GABRG3: variants seen among roughly 807,000 people sequenced by gnomAD.
GABRG3 encodes the protein gamma-aminobutyric acid receptor subunit gamma-3.
GABRG3 carries 25 observed loss-of-function variants against 48.8 expected under a neutral mutation model. The ratio of observed to expected loss-of-function variants is 0.51; its 90% CI spans 0.37 to 0.72. The LOEUF (loss-of-function observed/expected upper bound fraction) is 0.72, where lower values mean the gene tolerates loss of function less well. Ranked by LOEUF, GABRG3 falls within the 30% of genes least tolerant of loss-of-function variation. GABRG3 has a pLI of 0.00. For missense variants in GABRG3, 394 were observed against 577.9 expected, an observed-to-expected ratio of 0.68 and a Z score of 3.26; for synonymous variants, 227 against 217.6, an observed-to-expected ratio of 1.04 and a Z score of -0.38.
At chr15:27,506,121 T>C (rs1485959503) in intron 6 of GABRG3, among the ~76,000 whole-genome samples, 1 of 152,196 alleles carries the variant, frequency 6.6e-6, no homozygotes, top group Non-Finnish European at 1.5e-5. Context: ...TTGTGTCTTA[T>C]CTCTTTCTCT....
intron 5 of GABRG3, among the ~76,000 whole-genome samples, chr15:27,378,117 A>AAAAAACAT (rs1432965647): frequency 6.6e-6 from 1 of 152,230 alleles, no homozygotes; most frequent in Non-Finnish European, 1.5e-5. Flanking sequence ...GAAAGAAAAA[A>AAAAAACAT]AAAAACATTT....
chr15:27,072,005 C>T (rs533909779), intron 3 of GABRG3, among the ~76,000 whole-genome samples: 5 of 152,294 alleles, frequency 3.3e-5, no homozygotes, highest in East Asian at 1.9e-4. Context: ...TAAGCAAAGC[C>T]GCACAAAGAG....
intron 5 of GABRG3, among the ~76,000 whole-genome samples, chr15:27,430,314 G>T (rs548710465): frequency 6.6e-6 from 1 of 152,066 alleles, no homozygotes; most frequent in East Asian, 1.9e-4. Flanking sequence ...TTATCATATT[G>T]TATGGTAAAT....
chr15:26,994,751 T>G (rs1450267125), intron 2 of GABRG3, among the ~76,000 whole-genome samples: 1 of 152,026 alleles, frequency 6.6e-6, no homozygotes, highest in African/African-American at 2.4e-5. Context: ...TCCACACTTT[T>G]GTTAATTTAC....
At chr15:26,987,875 A>G (rs1351166501) in intron 2 of GABRG3, among the ~76,000 whole-genome samples, 1 of 152,224 alleles carries the variant, frequency 6.6e-6, no homozygotes, top group Non-Finnish European at 1.5e-5. Flanking sequence ...CTTACATTCA[A>G]TAAAAAACAG....
At chr15:27,208,830 G>A (rs1322526946) in intron 3 of GABRG3, among the ~76,000 whole-genome samples, 2 of 152,182 alleles carry the variant, frequency 1.3e-5, no homozygotes, top group Non-Finnish European at 2.9e-5. Context: ...GAGGTCAGTG[G>A]GATGTCATAT....
intron 3 of GABRG3, among the ~76,000 whole-genome samples, chr15:27,112,452 T>TG (rs1897569529): frequency 6.6e-6 from 1 of 151,468 alleles, no homozygotes; most frequent in Non-Finnish European, 1.5e-5. Context: ...ATTTTTTTTT[T>TG]TTTTTGGTAT....
At chr15:27,331,505 C>T (rs1238546632) in intron 5 of GABRG3, among the ~76,000 whole-genome samples, 1 of 152,184 alleles carries the variant, frequency 6.6e-6, no homozygotes, top group Admixed American at 6.5e-5. Context: ...AGGCTGCATA[C>T]TCTGATTCCA....
At chr15:26,994,565 A>T (rs1193372930) in intron 2 of GABRG3, among the ~76,000 whole-genome samples, 1 of 151,950 alleles carries the variant, frequency 6.6e-6, no homozygotes, top group Non-Finnish European at 1.5e-5. Flanking sequence ...CAAAGGTTGT[A>T]GTTATTATTA....
At chr15:27,385,705 G>A (rs911602817) in intron 5 of GABRG3, among the ~76,000 whole-genome samples, 4 of 152,076 alleles carry the variant, frequency 2.6e-5, no homozygotes, top group African/African-American at 4.8e-5. Context: ...TTCAAATCCA[G>A]AATTTTCATT....
At chr15:27,302,617 G>A (rs2140494044) in intron 3 of GABRG3, among the ~76,000 whole-genome samples, 1 of 152,072 alleles carries the variant, frequency 6.6e-6, no homozygotes, top group South Asian at 2.1e-4. Flanking sequence ...AGAAAAATCA[G>A]TCAGTGCCAT....
intron 5 of GABRG3, among the ~76,000 whole-genome samples, chr15:27,394,634 G>C (rs1483529471): frequency 6.6e-6 from 1 of 152,110 alleles, no homozygotes; most frequent in Non-Finnish European, 1.5e-5. Flanking sequence ...TTGTAAAGCA[G>C]GTGTGTTAAT....
chr15:27,045,912 A>G (rs1174642633), intron 3 of GABRG3, among the ~76,000 whole-genome samples: 1 of 152,106 alleles, frequency 6.6e-6, no homozygotes, highest in African/African-American at 2.4e-5. Context: ...ATGCATGGAG[A>G]AACACTGGCT....
At chr15:27,527,324 AG>A in intron 7 of GABRG3, 108 bp from the exon 8 acceptor site, 1 of 865,736 alleles carries the variant, frequency 1.2e-6, no homozygotes, top group South Asian at 1.7e-5. Flanking sequence ...ATGCAGCATC[AG>A]GGATTCCTGT....
At chr15:27,055,095 A>G (rs747363045) in intron 3 of GABRG3, among the ~76,000 whole-genome samples, 2 of 151,792 alleles carry the variant, frequency 1.3e-5, no homozygotes, top group Non-Finnish European at 2.9e-5. Flanking sequence ...AGCAGCAGCA[A>G]CAACAACTAG....
chr15:27,078,982 G>A (rs1896951786), intron 3 of GABRG3, among the ~76,000 whole-genome samples: 1 of 152,182 alleles, frequency 6.6e-6, no homozygotes, highest in Non-Finnish European at 1.5e-5. Context: ...ACACCCAGTG[G>A]GGTAGAAGGA....
chr15:27,305,455 A>G (rs976780762), intron 3 of GABRG3, among the ~76,000 whole-genome samples: 1 of 149,266 alleles, frequency 6.7e-6, no homozygotes, highest in Non-Finnish European at 1.5e-5. Flanking sequence ...CCATAAATTT[A>G]TATATGGATT....
chr15:27,315,799 C>T (rs992303225), intron 3 of GABRG3, among the ~76,000 whole-genome samples: 1 of 152,150 alleles, frequency 6.6e-6, no homozygotes, highest in African/African-American at 2.4e-5. Context: ...GTGATGATTT[C>T]CTATGAAGCC....
At chr15:27,137,287 C>T (rs1446793485) in intron 3 of GABRG3, among the ~76,000 whole-genome samples, 1 of 152,200 alleles carries the variant, frequency 6.6e-6, no homozygotes, top group African/African-American at 2.4e-5. Context: ...AGATTCGTCC[C>T]TACCACTGTC....
Sources: allele counts gnomAD v4.1 joint callset (sites outside exome capture counted in the v4.1 genomes callset), GRCh38; gene constraint gnomAD v4.1.1; transcripts MANE v1.5; gene names NCBI Gene and HGNC (gene_info 2026-07-23, HGNC 2026-07-21).